IFT74: variants seen among roughly 807,000 people sequenced by gnomAD.
IFT74 encodes intraflagellar transport protein 74 homolog.
Under a neutral mutation model 96.7 loss-of-function variants are expected in IFT74, and 92 were observed. The ratio of observed to expected loss-of-function variants is 0.95; its 90% confidence interval spans 0.80 to 1.13. The LOEUF (loss-of-function observed/expected upper bound fraction) is 1.13, where lower values mean the gene tolerates loss of function less well. IFT74 is among the 50% of genes most tolerant of loss of function. The pLI, the probability that IFT74 is intolerant of heterozygous loss-of-function variation, is 0.00. For synonymous variants in IFT74, 223 were observed against 213.2 expected (o/e 1.05, Z -0.40); for missense variants, 811 against 698.2 (o/e 1.16, Z -1.82).
At chr9:26,997,056 C>CA (rs1828193517) in intron 8 of IFT74, among the ~76,000 whole-genome samples, 1 of 151,544 alleles carries the variant, frequency 6.6e-6, no homozygotes, top group Admixed American at 6.6e-5. Context: ...ACTAAAAATA[C>CA]AAAAAATTAG....
chr9:26,990,089 G>T lies in IFT74; in HGVS notation c.526-45G>T, dbSNP rs745923890. On this transcript the variant is annotated intron_variant, in intron 7 of 19. Coordinates refer to ENST00000380062, the MANE Select transcript of IFT74 (RefSeq NM_025103.4). ...AAATAACCTACAAAGAAAAAATTTG[G>T]TTTAATATTTATTTCTTACTAACTT... 10 of 1,241,052 alleles carry T rather than the reference G, an allele frequency of 8.1e-6. No individual in the cohort carries two copies. The South Asian group carries it at 9.3e-5, about 11-fold the overall frequency. The allele number at this position is 1,241,052 out of a possible 1,614,324, so 76.9% of individuals were successfully genotyped here. A position where few individuals can be genotyped will look rare whatever the true frequency, so the allele number is the denominator to read the frequency against.
chr9:27,028,007 T>G (rs958220265), intron 12 of IFT74, among the ~76,000 whole-genome samples: 1 of 152,188 alleles, frequency 6.6e-6, no homozygotes, highest in Admixed American at 6.6e-5. Flanking sequence ...AGGAGTCCCT[T>G]AGCTTCTGCA....
intron 6 of IFT74, among the ~76,000 whole-genome samples, chr9:26,984,995 C>G (rs1827575205): frequency 6.6e-6 from 1 of 152,154 alleles, no homozygotes; most frequent in Non-Finnish European, 1.5e-5. Flanking sequence ...ACCATAAAGA[C>G]ACATGCACAT....
intron 14 of IFT74, among the ~76,000 whole-genome samples, chr9:27,046,380 C>G (rs972578900): frequency 6.6e-6 from 1 of 152,124 alleles, no homozygotes; most frequent in Non-Finnish European, 1.5e-5. Flanking sequence ...GAATCCATTA[C>G]AGAAGGCAAG....
In IFT74 at chr9:27,055,685, A is replaced by C; in HGVS notation, c.1410A>C (p.Leu470=). Residue 470 remains leucine (L), a synonymous_variant, in exon 17 of 20, where the codon CTA becomes CTC. Coordinates refer to ENST00000380062, the MANE Select transcript of IFT74 (RefSeq NM_025103.4). The part of the protein sequence containing the change: ...ESKMTEEQHS[L]KSKIKQMTTD... The stretch of plus-strand genomic sequence containing the variant: ...AGATGACTGAAGAACAGCATTCTCT[A>C]AAAAGCAAAATTAAGCAAATGACAA... The C allele has an allele frequency of 6.3e-7, 1 of 1,593,692 alleles. No homozygotes were observed. The highest frequency in any genetic ancestry group is 8.5e-7 in the Non-Finnish European group (1 of 1,172,428).
chr9:27,046,488 C>A (rs1164017027), intron 14 of IFT74, among the ~76,000 whole-genome samples: 1 of 152,094 alleles, frequency 6.6e-6, no homozygotes, highest in East Asian at 1.9e-4. Flanking sequence ...TAAATAAGAG[C>A]TGTTTCTATA....
rs201148958 is a variant in IFT74 at position 26,978,180 on chromosome 9, G to A, written c.173G>A (p.Gly58Asp). 8.6e-5 allele frequency: 138 copies of A among 1,613,248 alleles called. No homozygotes were observed. The highest frequency in any genetic ancestry group is 1.4e-5 in the Non-Finnish European group (16 of 1,179,708). ...TCTCGTGGTTGTCCCATAGGGACTG[G>A]TGGAGTTCTGTCTTCTCAAATCAAA... ...PGSRGCPIGT[G>D]GVLSSQIKVA... Residue 58 changes from glycine to aspartate, a missense_variant, in exon 3 of 20, where the codon GGT becomes GAT. Gly to Asp is a moderately conservative substitution (Grantham distance 94). Coordinates refer to ENST00000380062, the MANE Select transcript of IFT74 (RefSeq NM_025103.4).
chr9:27,014,976 A>G (rs1465744651), intron 10 of IFT74, among the ~76,000 whole-genome samples: 1 of 152,236 alleles, frequency 6.6e-6, no homozygotes, highest in African/African-American at 2.4e-5. Flanking sequence ...TGGTCAATCA[A>G]CTAGTATTTT....
chr9:26,964,773 G>GT (rs1337026604), intron 2 of IFT74, among the ~76,000 whole-genome samples: 13 of 152,040 alleles, frequency 8.6e-5, no homozygotes, highest in Admixed American at 6.6e-4. Flanking sequence ...ATAAGAAAAA[G>GT]TACAGTACTC....
chr9:27,042,166 AATCAAT>A (rs1819512297), intron 13 of IFT74, among the ~76,000 whole-genome samples: 1 of 152,238 alleles, frequency 6.6e-6, no homozygotes, highest in African/African-American at 2.4e-5. Context: ...AGGGCTTCCA[AATCAAT>A]ATATATAGTA....
At chr9:26,999,814 G>C in intron 8 of IFT74, 2 of 585,450 alleles carry the variant, frequency 3.4e-6, no homozygotes, top group Non-Finnish European at 5.2e-6. Context: ...GTCTCACTCT[G>C]TCACACAGAC....
chr9:27,008,269 AT>A (rs1828884727), intron 8 of IFT74, among the ~76,000 whole-genome samples: 2 of 152,170 alleles, frequency 1.3e-5, no homozygotes, highest in African/African-American at 4.8e-5. Context: ...ACACTGGATG[AT>A]TTACACGGGA....
At chr9:26,984,165 A>T in intron 4 of IFT74, 92 bp from the exon 5 acceptor site, 1 of 916,174 alleles carries the variant, frequency 1.1e-6, no homozygotes. Context: ...TATTTATATT[A>T]TTATTACGTA....
chr9:27,015,782 T>C (rs1829308777), intron 10 of IFT74, among the ~76,000 whole-genome samples: 2 of 152,262 alleles, frequency 1.3e-5, no homozygotes. Context: ...TTTTCTCATC[T>C]GTAAAATAGA....
At chr9:26,962,406 G>C (rs146863244) in intron 2 of IFT74, among the ~76,000 whole-genome samples, 6 of 152,312 alleles carry the variant, frequency 3.9e-5, no homozygotes, top group Non-Finnish European at 8.8e-5. Flanking sequence ...GGAAGAAGAT[G>C]CCTGCTCCTG....
At chr9:27,009,511 A>G (rs1016113174) in intron 9 of IFT74, among the ~76,000 whole-genome samples, 1 of 152,164 alleles carries the variant, frequency 6.6e-6, no homozygotes, top group Non-Finnish European at 1.5e-5. Context: ...AAATGTTTGC[A>G]TTGATAAAAA....
At chr9:26,985,740 A>G (rs1827601537) in intron 6 of IFT74, among the ~76,000 whole-genome samples, 1 of 152,216 alleles carries the variant, frequency 6.6e-6, no homozygotes, top group East Asian at 1.9e-4. Context: ...AATAATTTAA[A>G]TAATTTTAAA....
chr9:26,999,666 A>G (rs1383052510), intron 8 of IFT74: 1 of 1,610,754 alleles, frequency 6.2e-7, no homozygotes, highest in East Asian at 2.2e-5. Context: ...GAGGGGCCAA[A>G]AGAGGATTGT....
At chr9:27,011,990 G>T (rs776729470) in intron 10 of IFT74, 22 bp downstream of exon 10, 1 of 1,502,158 alleles carries the variant, frequency 6.7e-7, no homozygotes, top group South Asian at 1.3e-5. Context: ...ATCAAATAAG[G>T]GTTCTCATAC....
Sources: gnomAD v4.1 joint callset for allele counts (sites outside exome capture counted in the v4.1 genomes callset) on GRCh38, gnomAD v4.1.1 for gene constraint, MANE v1.5 for transcripts, NCBI Gene and HGNC (gene_info 2026-07-23, HGNC 2026-07-21) for gene names.